The following FASTKD2 variants were observed in gnomAD, a reference collection of about 807,000 sequenced individuals.
FASTKD2 encodes FAST kinase domain-containing protein 2, mitochondrial.
In FASTKD2, 51 loss-of-function variants were observed where a neutral mutation model predicts 63.6. The ratio of observed to expected loss-of-function variants is 0.80; its 90% CI spans 0.64 to 1.01. The LOEUF (loss-of-function observed/expected upper bound fraction) is 1.01. Ranked by LOEUF, FASTKD2 falls within the 50% of genes least tolerant of loss-of-function variation. FASTKD2 has a pLI of 0.00. For synonymous variants in FASTKD2, 284 were observed against 293.4 expected (o/e 0.97, Z 0.33); for missense variants, 786 against 831.1 (o/e 0.95, Z 0.67).
intron 2 of FASTKD2, 91 bp downstream of exon 2, chr2:206,767,561 G>T (rs1186747472): frequency 1.6e-5 from 16 of 1,003,584 alleles, no homozygotes; most frequent in Non-Finnish European, 2.3e-5. Context: ...CTTCTTAAAA[G>T]AGACTATCAA....
intron 7 of FASTKD2, among the ~76,000 whole-genome samples, chr2:206,775,148 A>G (rs868228360): frequency 6.6e-6 from 1 of 151,930 alleles, no homozygotes; most frequent in Non-Finnish European, 1.5e-5. Flanking sequence ...TCATCTGCTG[A>G]TGGATGTTTA....
rs1356096911 is a variant in FASTKD2 at position 206,795,294 on chromosome 2, C to T, written c.*3492C>T. Among the ~76,000 whole-genome samples the T allele has an allele frequency of 1.3e-5, 2 of 152,112 alleles. No homozygotes were observed. Among genetic ancestry groups the T allele is most frequent in the East Asian group, 1.9e-4 (1 of 5,190 alleles). On this transcript the variant is annotated 3_prime_UTR_variant, in exon 12 of 12. Transcript: ENST00000402774. ...TGTCGCCCAGGCTGGAGTGCTGTGG[C>T]GTGATCTCAGCTCACTGCAAGCTCC...
At position 206,788,087 on chromosome 2, in the gene FASTKD2, T is replaced by C. The variant is rs1461867713; in HGVS notation, c.1745T>C (p.Leu582Pro). 1.1e-5 allele frequency: 17 copies of C among 1,613,628 alleles called. No individual in the cohort carries two copies. Among genetic ancestry groups the C allele is most frequent in the Non-Finnish European group, 1.4e-5 (16 of 1,179,818 alleles). Residue 582 changes from leucine to proline, a missense_variant, in exon 9 of 12, where the codon CTG becomes CCG. Transcript: ENST00000402774. ...ACAAATGCAAAGGTGGCAGAGGTGC[T>C]GAGCAGCCTTCTGGGAGGTGAAGGA... ...SHTNAKVAEV[L>P]SSLLGGEGHF...
intron 8 of FASTKD2, 90 bp from the exon 9 acceptor site, chr2:206,787,842 ATTATT>A (rs1235545790): frequency 5.8e-6 from 3 of 516,372 alleles, no homozygotes; most frequent in African/African-American, 3.9e-5. Flanking sequence ...GTATATATTT[ATTATT>A]TTATAACTAT....
At position 206,786,881 on chromosome 2, in the gene FASTKD2, A is replaced by G; in HGVS notation, c.1576A>G (p.Ser526Gly). Residue 526 changes from serine (S) to glycine (G), a missense_variant, in exon 8 of 12, where the codon AGT (serine) becomes GGT (glycine). Ser to Gly is a moderately conservative substitution (Grantham distance 56). Transcript: ENST00000402774. ...TCAGCTTCTGCAAAAAGACATCATC[A>G]GTGAGCTGCTGACATCAGGTAGGAT... is the stretch of plus-strand genomic sequence containing the variant. ...FNQLLQKDII[S>G]ELLTSDDMKN... 3 of 1,513,458 alleles carry G rather than the reference A, an allele frequency of 2.0e-6. No individual in the cohort carries two copies. Among genetic ancestry groups the G allele is most frequent in the African/African-American group, 1.4e-5 (1 of 71,212 alleles). 93.8% of individuals were successfully genotyped at this position (1,513,458 alleles called of 1,614,324 possible).
In FASTKD2 at chr2:206,772,278, A is replaced by G; in HGVS notation, c.1212A>G (p.Ala404=). The G allele has an allele frequency of 6.2e-7, 1 of 1,614,114 alleles. No homozygotes were observed. Among genetic ancestry groups the G allele is most frequent in the Non-Finnish European group, 8.5e-7 (1 of 1,179,940 alleles). Residue 404 remains alanine (A), a synonymous_variant, in exon 6 of 12, where the codon GCA becomes GCG. Coordinates refer to ENST00000402774, the MANE Select transcript of FASTKD2 (RefSeq NM_001136193.2). ...ATTTGGATCTCTTCAAGGGACTTGC[A>G]GATTATGTGGCTGCAACTTTCGACA... ...YHNLDLFKGL[A]DYVAATFDIW...
chr2:206,777,591 T>C (rs958327585), intron 7 of FASTKD2, among the ~76,000 whole-genome samples: 2 of 152,172 alleles, frequency 1.3e-5, no homozygotes, highest in Non-Finnish European at 2.9e-5. Context: ...TCTGTGTTCA[T>C]CAGGGATATT....
chr2:206,772,599 G>C (rs1034590867), intron 6 of FASTKD2, among the ~76,000 whole-genome samples: 9 of 152,146 alleles, frequency 5.9e-5, no homozygotes, highest in African/African-American at 1.9e-4. Context: ...TTTGAATTTT[G>C]AATTTTGTTG....
intron 9 of FASTKD2, 80 bp downstream of exon 9, chr2:206,788,235 G>C: frequency 9.9e-7 from 1 of 1,011,732 alleles, no homozygotes; most frequent in Non-Finnish European, 1.5e-6. Context: ...AGGTATTTGT[G>C]GCAGCAGTTT....
chr2:206,790,874 T>C, intron 11 of FASTKD2, 188 bp downstream of exon 11: 1 of 587,558 alleles, frequency 1.7e-6, no homozygotes, highest in Non-Finnish European at 3.1e-6. Flanking sequence ...TCTGCTCAGC[T>C]GATTACTGTC....
chr2:206,768,482 C>G (rs1007819129), intron 2 of FASTKD2, among the ~76,000 whole-genome samples: 3 of 152,186 alleles, frequency 2.0e-5, no homozygotes, highest in African/African-American at 4.8e-5. Flanking sequence ...AGGAGGATCT[C>G]TTGAGCCCAG....
chr2:206,790,356 A>G (rs1690249821), intron 10 of FASTKD2: 4 of 483,230 alleles, frequency 8.3e-6, no homozygotes, highest in African/African-American at 3.9e-5. Context: ...CTGAGAGGTA[A>G]CTGTGTATAA....
intron 1 of FASTKD2, 104 bp downstream of exon 1, chr2:206,765,851 T>G (rs1689427449): frequency 6.6e-6 from 1 of 152,540 alleles, no homozygotes; most frequent in African/African-American, 2.4e-5. Flanking sequence ...TTGTATAAGA[T>G]CTTCCTCTTA....
chr2:206,771,653 CAA>C (rs71034472), intron 4 of FASTKD2, among the ~76,000 whole-genome samples: 18 of 44,552 alleles, frequency 4.0e-4, no homozygotes, highest in South Asian at 2.4e-3. Flanking sequence ...CCTGTCTCTG[CAA>C]AAAAAAAAAA....
rs376010134 is a variant in FASTKD2, at chr2:206,767,352, T to C, written c.659T>C (p.Met220Thr). The C allele has an allele frequency of 3.1e-6, 5 of 1,613,974 alleles. No individual in the cohort carries two copies. The East Asian group carries it at 1.1e-4, about 36-fold the overall frequency. Residue 220 changes from methionine (M) to threonine (T), a missense_variant, in exon 2 of 12, where the codon ATG becomes ACG. Coordinates refer to ENST00000402774, the MANE Select transcript of FASTKD2 (RefSeq NM_001136193.2). ...GCATTTAATCAGCTCTGTGAACATA[T>C]GATGAGAGAAGCCAAGATCATGCAG... ...HPAFNQLCEHMMREAKIMQYK... is the reference protein window; with the variant it reads ...HPAFNQLCEHTMREAKIMQYK...
At chr2:206,773,387 A>G (rs1689742200) in intron 6 of FASTKD2, among the ~76,000 whole-genome samples, 1 of 151,618 alleles carries the variant, frequency 6.6e-6, no homozygotes, top group Non-Finnish European at 1.5e-5. Context: ...CCGTGTTTAT[A>G]CTTTGTTCTT....
intron 7 of FASTKD2, 146 bp from the exon 8 acceptor site, chr2:206,786,587 T>G: frequency 1.3e-6 from 1 of 755,420 alleles, no homozygotes; most frequent in South Asian, 1.4e-5. Context: ...ATTGAATGTA[T>G]ACACTTATTA....
At position 206,793,322 on chromosome 2, in the gene FASTKD2, G is replaced by C. The variant is rs1016572278; in HGVS notation, c.*1520G>C. ...TTTATCCAGCTTGCATTTAGAAAAGGTTAGAGCTGAAAGGAAATTTAGTGA... is the reference window on the plus strand; with the variant it reads ...TTTATCCAGCTTGCATTTAGAAAAGCTTAGAGCTGAAAGGAAATTTAGTGA... On this transcript the variant is annotated 3_prime_UTR_variant, in exon 12 of 12. Coordinates refer to ENST00000402774, the MANE Select transcript of FASTKD2 (RefSeq NM_001136193.2). Among the ~76,000 whole-genome samples, 3 of 151,240 alleles carry C rather than the reference G, an allele frequency of 2.0e-5. No homozygotes were observed. The highest frequency in any genetic ancestry group is 4.4e-5 in the Non-Finnish European group (3 of 67,928).
At chr2:206,775,205 TG>T (rs1400290556) in intron 7 of FASTKD2, among the ~76,000 whole-genome samples, 2 of 152,080 alleles carry the variant, frequency 1.3e-5, no homozygotes, top group African/African-American at 4.8e-5. Flanking sequence ...GCACTTAACA[TG>T]GGAGTGCAGA....
Sources: allele counts gnomAD v4.1 joint callset (sites outside exome capture counted in the v4.1 genomes callset), GRCh38; gene constraint gnomAD v4.1.1; transcripts MANE v1.5; gene names NCBI Gene and HGNC (gene_info 2026-07-23, HGNC 2026-07-21).